The following CORIN variants were observed in gnomAD, a reference collection of about 807,000 sequenced individuals.
The protein encoded by CORIN is corin, serine peptidase.
A neutral mutation model predicts 125.3 loss-of-function variants in CORIN; 117 were observed. The ratio of observed to expected loss-of-function variants is 0.93; its 90% CI spans 0.80 to 1.09. The LOEUF is 1.09. Ranked by LOEUF, CORIN falls within the 50% of genes least tolerant of loss-of-function variation. CORIN has a pLI of 0.00. For synonymous variants in CORIN, 450 were observed against 466.4 expected, an observed-to-expected ratio of 0.96 and a Z score of 0.45; for missense variants, 1,253 against 1,306.7, an observed-to-expected ratio of 0.96 and a Z score of 0.63.
At chr4:47,695,215 C>T (rs1725935402) in intron 5 of CORIN, among the ~76,000 whole-genome samples, 2 of 152,174 alleles carry the variant, frequency 1.3e-5, no homozygotes, top group Non-Finnish European at 2.9e-5. Context: ...CCAGTCTGTA[C>T]AATATCCTCT....
At chr4:47,753,106 C>T (rs1436899779) in intron 4 of CORIN, among the ~76,000 whole-genome samples, 1 of 152,132 alleles carries the variant, frequency 6.6e-6, no homozygotes, top group East Asian at 1.9e-4. Flanking sequence ...AGGAATTTTA[C>T]TGTTGGGCCT....
At chr4:47,790,205 A>C (rs1375461920) in intron 2 of CORIN, 3 of 985,188 alleles carry the variant, frequency 3.0e-6, no homozygotes, top group African/African-American at 1.7e-5. Context: ...CCATAAAGGA[A>C]GGAAAAATAA....
At chr4:47,649,333 G>T (rs1345433015) in intron 13 of CORIN, among the ~76,000 whole-genome samples, 1 of 152,200 alleles carries the variant, frequency 6.6e-6, no homozygotes, top group African/African-American at 2.4e-5. Context: ...TACTATGTGA[G>T]CCAGAGACCT....
chr4:47,697,479 C>G (rs908425285), intron 5 of CORIN, among the ~76,000 whole-genome samples: 9 of 152,002 alleles, frequency 5.9e-5, no homozygotes, highest in African/African-American at 1.7e-4. Context: ...TTTGGAAGGC[C>G]GAGGCGGGCA....
chr4:47,689,578 G>T (rs968386019), intron 6 of CORIN, among the ~76,000 whole-genome samples: 1 of 152,134 alleles, frequency 6.6e-6, no homozygotes, highest in Non-Finnish European at 1.5e-5. Flanking sequence ...TAAAATGTGT[G>T]AACTTTGTGG....
intron 13 of CORIN, among the ~76,000 whole-genome samples, chr4:47,646,004 A>G (rs992398912): frequency 6.9e-5 from 10 of 145,310 alleles, no homozygotes; most frequent in Non-Finnish European, 1.3e-4. Flanking sequence ...GCTGGAATGA[A>G]GTGGCACGTT....
intron 2 of CORIN, among the ~76,000 whole-genome samples, chr4:47,792,053 G>A (rs1731105928): frequency 6.6e-6 from 1 of 152,192 alleles, no homozygotes; most frequent in South Asian, 2.1e-4. Context: ...AGCCTGTTTA[G>A]AGACGAGTAT....
intron 19 of CORIN, among the ~76,000 whole-genome samples, chr4:47,612,249 G>A (rs1367024793): frequency 6.6e-6 from 1 of 152,098 alleles, no homozygotes; most frequent in Non-Finnish European, 1.5e-5. Context: ...AATTCAGTAA[G>A]TACAGACTGT....
intron 5 of CORIN, among the ~76,000 whole-genome samples, chr4:47,734,097 G>A (rs1410910607): frequency 6.6e-6 from 1 of 151,966 alleles, no homozygotes; most frequent in African/African-American, 2.4e-5. Flanking sequence ...ATGGAGCCTG[G>A]GGGACTGGAT....
intron 1 of CORIN, among the ~76,000 whole-genome samples, chr4:47,812,993 T>C (rs1018451090): frequency 1.3e-5 from 2 of 152,196 alleles, no homozygotes; most frequent in African/African-American, 4.8e-5. Flanking sequence ...TAATATGATG[T>C]GTACACCTGT....
At chr4:47,683,974 G>A in intron 6 of CORIN, 136 bp from the exon 7 acceptor site, 1 of 603,940 alleles carries the variant, frequency 1.7e-6, no homozygotes, top group Non-Finnish European at 2.8e-6. Context: ...TTATAGGTGA[G>A]AAGGTGGCAC....
intron 13 of CORIN, among the ~76,000 whole-genome samples, chr4:47,649,484 AT>A (rs1411324737): frequency 1.3e-5 from 2 of 152,168 alleles, no homozygotes; most frequent in Non-Finnish European, 2.9e-5. Context: ...TCGCCTCCTG[AT>A]TTTCCACCAC....
chr4:47,731,047 G>A (rs1727851770), intron 5 of CORIN, among the ~76,000 whole-genome samples: 2 of 152,184 alleles, frequency 1.3e-5, no homozygotes, highest in African/African-American at 2.4e-5. Context: ...CATTTTGACA[G>A]TTGAACCACT....
intron 6 of CORIN, among the ~76,000 whole-genome samples, chr4:47,687,593 G>A (rs1053111967): frequency 6.6e-6 from 1 of 152,136 alleles, no homozygotes; most frequent in African/African-American, 2.4e-5. Flanking sequence ...TTAAATTAGA[G>A]CAGAAAACTA....
At chr4:47,690,824 C>T (rs1169807385) in intron 6 of CORIN, among the ~76,000 whole-genome samples, 1 of 152,230 alleles carries the variant, frequency 6.6e-6, no homozygotes, top group Non-Finnish European at 1.5e-5. Flanking sequence ...CCTCCATAAA[C>T]ACTCATGCTG....
At chr4:47,761,154 C>A (rs996643392) in intron 4 of CORIN, among the ~76,000 whole-genome samples, 20 of 152,148 alleles carry the variant, frequency 1.3e-4, no homozygotes, top group African/African-American at 4.8e-4. Flanking sequence ...TGTTTGTTGC[C>A]TATAAGAACT....
intron 1 of CORIN, among the ~76,000 whole-genome samples, chr4:47,833,600 A>T (rs1356334808): frequency 1.3e-5 from 2 of 152,004 alleles, no homozygotes; most frequent in South Asian, 2.1e-4. Flanking sequence ...AAACGATATG[A>T]TCAACAAAAT....
chr4:47,734,248 A>G (rs373006680), intron 5 of CORIN, among the ~76,000 whole-genome samples: 4 of 152,352 alleles, frequency 2.6e-5, no homozygotes, highest in Admixed American at 1.3e-4. Context: ...TGGGGTACAT[A>G]ATGTAAAGGG....
At chr4:47,618,712 G>A (rs368748260) in intron 19 of CORIN, among the ~76,000 whole-genome samples, 5 of 151,968 alleles carry the variant, frequency 3.3e-5, no homozygotes, top group African/African-American at 7.3e-5. Flanking sequence ...CCAGCTACTC[G>A]GGAGGCTGAG....
Sources: gnomAD v4.1 joint callset for allele counts (sites outside exome capture counted in the v4.1 genomes callset) on GRCh38, gnomAD v4.1.1 for gene constraint, MANE v1.5 for transcripts, NCBI Gene and HGNC (gene_info 2026-07-23, HGNC 2026-07-21) for gene names.